The following ATAT1 variants were observed in gnomAD, a reference collection of about 807,000 sequenced individuals.
ATAT1 encodes the protein alpha tubulin acetyltransferase 1, also known as alpha-tubulin N-acetyltransferase 1.
In ATAT1, 42 loss-of-function variants were observed where a neutral mutation model predicts 57.2. The observed-to-expected ratio is 0.73, with a 90% CI of 0.57 to 0.95. ATAT1 has a LOEUF of 0.95. Ranked by LOEUF, ATAT1 falls within the 40% of genes least tolerant of loss-of-function variation. The pLI is 0.00. For synonymous variants in ATAT1, 168 were observed against 187.1 expected (o/e 0.90, Z 0.83); for missense variants, 454 against 523.7 (o/e 0.87, Z 1.30).
chr6:30,633,234 A>G (rs1247803586), intron 6 of ATAT1, among the ~76,000 whole-genome samples: 3 of 152,194 alleles, frequency 2.0e-5, no homozygotes, highest in Admixed American at 6.5e-5. Context: ...GGGAAATACT[A>G]GGAGTACATT....
At chr6:30,641,106 T>C (rs1765314540) in intron 8 of ATAT1, among the ~76,000 whole-genome samples, 1 of 140,840 alleles carries the variant, frequency 7.1e-6, no homozygotes, top group Non-Finnish European at 1.6e-5. Context: ...CCCCATCCCA[T>C]ATACACACAT....
chr6:30,636,119 G>A (rs887258355), intron 6 of ATAT1, among the ~76,000 whole-genome samples: 1 of 152,148 alleles, frequency 6.6e-6, no homozygotes, highest in Non-Finnish European at 1.5e-5. Flanking sequence ...TTTGATAGAT[G>A]TGATTACAGA....
chr6:30,639,504 T>C (rs1380552204), intron 6 of ATAT1, among the ~76,000 whole-genome samples: 3 of 148,242 alleles, frequency 2.0e-5, no homozygotes, highest in African/African-American at 5.0e-5. Flanking sequence ...TGAGACGGAG[T>C]CTTGCTCCAT....
At position 30,640,422 on chromosome 6, in the gene ATAT1, C is replaced by A; in HGVS notation, c.547C>A (p.Arg183=). 5.6e-6 allele frequency: 9 copies of A among 1,612,930 alleles called. No homozygotes were observed. The highest frequency in any genetic ancestry group is 7.6e-6 in the Non-Finnish European group (9 of 1,180,012). The change falls in exon 7 of 13, where the codon CGG becomes AGG. Residue 183 remains arginine (R), a splice_region_variant and synonymous_variant. Coordinates refer to ENST00000330083, the MANE Select transcript of ATAT1 (RefSeq NM_001031722.4). The stretch of plus-strand genomic sequence containing the variant: ...TGAAGGCTTCTTTGCCCATCAACAT[C>A]GTAAGTTTTTGCATTTTGTTGGTCA...
intron 10 of ATAT1, chr6:30,643,479 C>T (rs1582874040): frequency 1.2e-5 from 18 of 1,549,268 alleles, no homozygotes; most frequent in Non-Finnish European, 1.5e-5. Context: ...CTCCCCCGCC[C>T]CCCGCCATTT....
chr6:30,639,063 C>G (rs1327258923), intron 6 of ATAT1, among the ~76,000 whole-genome samples: 1 of 152,082 alleles, frequency 6.6e-6, no homozygotes, highest in Non-Finnish European at 1.5e-5. Context: ...TCACTGCAAC[C>G]TCCGCCTCCT....
Position 30,627,530 on chromosome 6 carries a change from A to G in ATAT1, c.132+10A>G. 6.2e-7 allele frequency: 1 copy of G among 1,612,210 alleles called. No homozygotes were observed. The highest frequency in any genetic ancestry group is 8.5e-7 in the Non-Finnish European group (1 of 1,179,174). ...CAAGGCTTCTGCCAAGGTACTGGAG[A>G]GTTTTTAGATGGAGTAAAGGGAGGA... is the stretch of plus-strand genomic sequence containing the variant. On this transcript the variant is annotated intron_variant, in intron 2 of 12. Transcript: ENST00000330083.
At position 30,638,583 on chromosome 6, in the gene ATAT1, T is replaced by C. The variant is rs557769365; in HGVS notation, c.502-1794T>C. 4.2e-3 allele frequency among the ~76,000 whole-genome samples: 641 copies of C among 151,986 alleles called. 4 individuals carry two copies. Among genetic ancestry groups the C allele is most frequent in the African/African-American group, 0.012 (486 of 41,516 alleles). The stretch of plus-strand genomic sequence containing the variant: ...CCACGCCTGGCCCCCGAGTTTTTTT[T>C]TTTTTTTTGAGACGGAGTCTCTCTC... On this transcript the variant is annotated intron_variant, in intron 6 of 12. Transcript: ENST00000330083.
At chr6:30,627,334 A>T in intron 1 of ATAT1, 126 bp from the exon 2 acceptor site, 1 of 1,609,742 alleles carries the variant, frequency 6.2e-7, no homozygotes, top group Non-Finnish European at 8.5e-7. Flanking sequence ...GAAGACTCCC[A>T]GGCAAAGGCA....
Position 30,628,027 on chromosome 6 carries a change from C to A in ATAT1, c.286-5C>A. The A allele has an allele frequency of 6.2e-7, 1 of 1,612,516 alleles. No individual in the cohort carries two copies. Among genetic ancestry groups the A allele is most frequent in the Non-Finnish European group, 8.5e-7 (1 of 1,179,540 alleles). ...CCTAAAACATTTTTATTGTTTCTCT[C>A]TTAGGATGATCGTGAGGCTCATAAT... On this transcript the variant is annotated splice_region_variant and splice_polypyrimidine_tract_variant and intron_variant, in intron 4 of 12. Coordinates refer to ENST00000330083, the MANE Select transcript of ATAT1 (RefSeq NM_001031722.4).
At position 30,627,136 on chromosome 6, in the gene ATAT1, C is replaced by T. The variant is rs1157207718; in HGVS notation, c.-68C>T. 6.2e-7 allele frequency: 1 copy of T among 1,605,582 alleles called. No homozygotes were observed. The highest frequency in any genetic ancestry group is 1.3e-5 in the African/African-American group (1 of 74,784). ...TTTTTGGTGACCTCTGACCCTGGGC[C>T]TAGTGGGATTGATCAGCGCTTGGAT... On this transcript the variant is annotated 5_prime_UTR_variant, in exon 1 of 13. Coordinates refer to ENST00000330083, the MANE Select transcript of ATAT1 (RefSeq NM_001031722.4).
rs182117892 is a variant in ATAT1, at chr6:30,639,986, A to G, written c.502-391A>G. 2.6e-5 allele frequency among the ~76,000 whole-genome samples: 4 copies of G among 152,132 alleles called. No homozygotes were observed. In the East Asian group the frequency reaches 7.8e-4, roughly 30 times the overall value. On this transcript the variant is annotated intron_variant, in intron 6 of 12. Transcript: ENST00000330083. ...CCCATCTCTACAAAAAGTTAAAAAA[A>G]AATTAGTAGCCAGATGTGGTGGCAT...
intron 10 of ATAT1, chr6:30,643,461 GT>G: frequency 6.5e-7 from 1 of 1,546,020 alleles, no homozygotes; most frequent in Non-Finnish European, 8.7e-7. Context: ...TGACTTCTCT[GT>G]TTTTCTCTCC....
chr6:30,633,945 G>C (rs1198615130), intron 6 of ATAT1: 1 of 165,560 alleles, frequency 6.0e-6, no homozygotes, highest in Admixed American at 6.5e-5. Context: ...GAAGGCCAGT[G>C]AGGATGATTA....
At chr6:30,638,794 C>T (rs999264580) in intron 6 of ATAT1, among the ~76,000 whole-genome samples, 1 of 152,230 alleles carries the variant, frequency 6.6e-6, no homozygotes, top group Non-Finnish European at 1.5e-5. Context: ...GCCATGTCTC[C>T]AAGGCTGTAT....
intron 10 of ATAT1, chr6:30,644,500 T>TGAA (rs1211685024): frequency 2.0e-6 from 2 of 985,866 alleles, no homozygotes; most frequent in Non-Finnish European, 2.4e-6. Flanking sequence ...CCCTACCCTC[T>TGAA]GAATGTGTGC....
At chr6:30,646,153 G>T in intron 12 of ATAT1, 44 bp downstream of exon 12, 1 of 1,590,606 alleles carries the variant, frequency 6.3e-7, no homozygotes, top group South Asian at 1.1e-5. Context: ...ACCACCATCT[G>T]ACTCCCTTCC....
In ATAT1 at chr6:30,642,228, C is replaced by T. The variant is rs1765598890; in HGVS notation, c.669C>T (p.Tyr223=). ...GAGCAGAGGGAGACATCAAGCCATA[C>T]TCCTCTAGTGACCGAGAATGTAAGA... The change falls in exon 9 of 13, where the codon TAC becomes TAT. Residue 223 remains tyrosine, a synonymous_variant. Coordinates refer to ENST00000330083, the MANE Select transcript of ATAT1 (RefSeq NM_001031722.4). 6.2e-7 allele frequency: 1 copy of T among 1,614,144 alleles called. No individual in the cohort carries two copies. Among genetic ancestry groups the T allele is most frequent in the Non-Finnish European group, 8.5e-7 (1 of 1,180,028 alleles).
chr6:30,640,623 G>A lies in ATAT1; in HGVS notation c.616+20G>A. ...CCGCTGGTAAAGCCTGTATTGAAGG[G>A]GTGGAACTGTAGTGCAGTGATGGCT... On this transcript the variant is annotated intron_variant, in intron 8 of 12. Transcript: ENST00000330083. 2 of 1,611,850 alleles carry A rather than the reference G, an allele frequency of 1.2e-6. No individual in the cohort carries two copies. Among genetic ancestry groups the A allele is most frequent in the Non-Finnish European group, 1.7e-6 (2 of 1,179,312 alleles).
Sources: allele counts gnomAD v4.1 joint callset (sites outside exome capture counted in the v4.1 genomes callset), GRCh38; gene constraint gnomAD v4.1.1; transcripts MANE v1.5; gene names NCBI Gene and HGNC (gene_info 2026-07-23, HGNC 2026-07-21).